HTR4: variants seen among roughly 807,000 people sequenced by gnomAD.
HTR4 encodes 5-hydroxytryptamine (serotonin) receptor 4, G protein-coupled.
Under a neutral mutation model 36.8 loss-of-function variants are expected in HTR4, and 16 were observed. That is an observed-to-expected ratio of 0.43 (90% CI 0.29 to 0.66). The LOEUF (loss-of-function observed/expected upper bound fraction) is 0.66, where lower values mean the gene tolerates loss of function less well. HTR4 is among the 30% of genes least tolerant of loss of function. The pLI is 0.13. For missense variants in HTR4, 438 were observed against 490.9 expected (o/e 0.89, Z 1.02); for synonymous variants, 189 against 185.1 (o/e 1.02, Z -0.17).
At chr5:148,617,381 T>C (rs1752739865) in intron 2 of HTR4, among the ~76,000 whole-genome samples, 1 of 152,216 alleles carries the variant, frequency 6.6e-6, no homozygotes, top group Admixed American at 6.5e-5. Context: ...TGTTTATAAA[T>C]TACCCAATCT....
At chr5:148,522,320 A>G (rs181330973) in intron 5 of HTR4, among the ~76,000 whole-genome samples, 1 of 152,300 alleles carries the variant, frequency 6.6e-6, no homozygotes, top group East Asian at 1.9e-4. Context: ...AATGGAATAA[A>G]GACCTTTTGG....
intron 6 of HTR4, among the ~76,000 whole-genome samples, chr5:148,484,560 G>A (rs2113721967): frequency 6.6e-6 from 1 of 152,302 alleles, no homozygotes; most frequent in Middle Eastern, 3.4e-3. Context: ...ATTCGGACTT[G>A]TTAGCAACAA....
chr5:148,591,192 A>G (rs901541472), intron 2 of HTR4, among the ~76,000 whole-genome samples: 22 of 152,058 alleles, frequency 1.4e-4, no homozygotes, highest in African/African-American at 5.3e-4. Context: ...GTCCATGTGC[A>G]TGTTTTTGTA....
chr5:148,492,418 G>A (rs780881228), intron 6 of HTR4, among the ~76,000 whole-genome samples: 2 of 152,206 alleles, frequency 1.3e-5, no homozygotes, highest in African/African-American at 2.4e-5. Context: ...TAAACAGTGT[G>A]ATTAATTTAT....
Position 148,509,753 on chromosome 5 carries a change from G to T in HTR4, c.779C>A (p.Thr260Asn), listed in dbSNP as rs533874783. The stretch of plus-strand genomic sequence containing the variant: ...GAAGCAACCCATGATGATGCACAGG[G>T]TCTTGGCTGCTTTGGTCTCTGTCCT... ...RMRTETKAAKTLCIIMGCFCL... is the reference protein window; with the variant it reads ...RMRTETKAAKNLCIIMGCFCL... Residue 260 changes from threonine to asparagine, a missense_variant, in exon 6 of 7, where the codon ACC becomes AAC. Transcript: ENST00000377888. The T allele has an allele frequency of 3.0e-5, 48 of 1,614,066 alleles. 2 individuals are homozygous for T. The South Asian group carries it at 4.5e-4, about 15-fold the overall frequency.
chr5:148,632,194 T>C (rs759125910), intron 2 of HTR4, among the ~76,000 whole-genome samples: 5 of 152,168 alleles, frequency 3.3e-5, no homozygotes, highest in East Asian at 1.9e-4. Flanking sequence ...TTGGAAAATA[T>C]AGTAAAGGCT....
chr5:148,619,986 G>A (rs1752854239), intron 2 of HTR4, among the ~76,000 whole-genome samples: 1 of 152,124 alleles, frequency 6.6e-6, no homozygotes, highest in Non-Finnish European at 1.5e-5. Context: ...AATAGCCAGG[G>A]TACAAGAACA....
At position 148,615,947 on chromosome 5, in the gene HTR4, C is replaced by G. The variant is rs565346087; in HGVS notation, c.26+21042G>C. On this transcript the variant is annotated intron_variant, in intron 2 of 6. Coordinates refer to ENST00000377888, the MANE Select transcript of HTR4 (RefSeq NM_000870.7). ...AACTGGAAGATACAGTTCGGGCAGT[C>G]TCTTTTTCCCTTTGGTTTCCATAAG... 1.6e-4 allele frequency among the ~76,000 whole-genome samples: 24 copies of G among 152,312 alleles called. No homozygotes were observed. The East Asian group carries it at 3.9e-3, about 25-fold the overall frequency.
chr5:148,528,377 T>C (rs1758390303), intron 4 of HTR4, among the ~76,000 whole-genome samples: 1 of 152,128 alleles, frequency 6.6e-6, no homozygotes, highest in Admixed American at 6.5e-5. Context: ...CTACTTAACT[T>C]TATGTGCTGA....
intron 4 of HTR4, among the ~76,000 whole-genome samples, chr5:148,524,642 G>A (rs1056963229): frequency 6.6e-6 from 1 of 152,114 alleles, no homozygotes; most frequent in African/African-American, 2.4e-5. Context: ...TGCTACAGTA[G>A]ATCTATCATT....
chr5:148,454,601 C>G (rs1454890330), intron 5 of HTR4, among the ~76,000 whole-genome samples: 1 of 152,208 alleles, frequency 6.6e-6, no homozygotes, highest in Non-Finnish European at 1.5e-5. Context: ...GCCTCCCTGA[C>G]TTTGCCTTTC....
intron 5 of HTR4, among the ~76,000 whole-genome samples, chr5:148,510,976 C>T (rs1052167557): frequency 6.6e-6 from 1 of 152,160 alleles, no homozygotes; most frequent in African/African-American, 2.4e-5. Flanking sequence ...AGAGTTAGAA[C>T]CTAGACAACA....
chr5:148,483,182 C>T lies in HTR4; in HGVS notation c.*21G>A. 3 of 1,613,932 alleles carry T rather than the reference C, an allele frequency of 1.9e-6. No homozygotes were observed. The highest frequency in any genetic ancestry group is 2.5e-6 in the Non-Finnish European group (3 of 1,179,882). Reference sequence around the variant, plus strand: ...CCTCTTTCGGAGGCATGGCTGTCTTCTGGGTCATTGTCCCAGGGGCCTAAG... The same window carrying T: ...CCTCTTTCGGAGGCATGGCTGTCTTTTGGGTCATTGTCCCAGGGGCCTAAG... On this transcript the variant is annotated 3_prime_UTR_variant, in exon 7 of 7. Coordinates refer to ENST00000377888, the MANE Select transcript of HTR4 (RefSeq NM_000870.7).
chr5:148,514,265 G>A (rs903766185), intron 5 of HTR4, among the ~76,000 whole-genome samples: 2 of 152,036 alleles, frequency 1.3e-5, no homozygotes, highest in Admixed American at 1.3e-4. Flanking sequence ...CTTGGTTAAG[G>A]AAACTACATT....
chr5:148,478,499 A>C (rs1755770679), downstream of HTR4, among the ~76,000 whole-genome samples: 1 of 152,122 alleles, frequency 6.6e-6, no homozygotes, highest in Admixed American at 6.5e-5. Context: ...ATTCTGAGGA[A>C]ATGATTGTCA....
At chr5:148,579,177 AGTT>A in intron 2 of HTR4, among the ~76,000 whole-genome samples, 1 of 152,110 alleles carries the variant, frequency 6.6e-6, no homozygotes, top group East Asian at 1.9e-4. Flanking sequence ...TCTTTCTTTA[AGTT>A]GAGCCTGGGG....
chr5:148,498,803 G>A (rs965602417), intron 6 of HTR4, among the ~76,000 whole-genome samples: 6 of 152,000 alleles, frequency 3.9e-5, no homozygotes, highest in Non-Finnish European at 8.8e-5. Flanking sequence ...AATAATCAAC[G>A]GGTACCCAAA....
chr5:148,461,511 C>T (rs1284816041), intron 5 of HTR4, among the ~76,000 whole-genome samples: 1 of 151,820 alleles, frequency 6.6e-6, no homozygotes, highest in Non-Finnish European at 1.5e-5. Context: ...GAAAAGTTAT[C>T]AGAGATAAAG....
At chr5:148,608,382 TG>T in intron 2 of HTR4, among the ~76,000 whole-genome samples, 1 of 152,308 alleles carries the variant, frequency 6.6e-6, no homozygotes, top group Non-Finnish European at 1.5e-5. Context: ...ATCTAGGCTT[TG>T]GTGGTCCACA....
Sources: allele counts gnomAD v4.1 joint callset (sites outside exome capture counted in the v4.1 genomes callset), GRCh38; gene constraint gnomAD v4.1.1; transcripts MANE v1.5; gene names NCBI Gene and HGNC (gene_info 2026-07-23, HGNC 2026-07-21).